Variants in DNAJC13 observed in about 807,000 individuals in gnomAD.
The protein encoded by DNAJC13 is DnaJ heat shock protein family (Hsp40) member C13.
In DNAJC13, 75 loss-of-function variants were observed where a neutral mutation model predicts 290.5. The observed-to-expected ratio is 0.26, with a 90% confidence interval of 0.21 to 0.31. The LOEUF (loss-of-function observed/expected upper bound fraction) is 0.31, where lower values mean the gene tolerates loss of function less well. DNAJC13 is among the 10% of genes least tolerant of loss of function. DNAJC13 has a pLI of 1.00. For missense variants in DNAJC13, 2,260 were observed against 2,674.5 expected, an observed-to-expected ratio of 0.85 and a Z score of 3.42; for synonymous variants, 862 against 892.0, an observed-to-expected ratio of 0.97 and a Z score of 0.60.
chr3:132,467,829 T>C (rs1402152209), intron 20 of DNAJC13, among the ~76,000 whole-genome samples: 3 of 152,170 alleles, frequency 2.0e-5, no homozygotes, highest in Non-Finnish European at 4.4e-5. Flanking sequence ...GTTTTATGAG[T>C]TGATGATTAG....
At position 132,538,447 on chromosome 3, in the gene DNAJC13, G is replaced by C; in HGVS notation, c.*165G>C. On this transcript the variant is annotated 3_prime_UTR_variant, in exon 56 of 56. Coordinates refer to ENST00000260818, the MANE Select transcript of DNAJC13 (RefSeq NM_015268.4). ...GGAAAAAAAGTCAGTGATCCTAATT[G>C]TATCACATTATAAGAAAGCACTCTG... The C allele has an allele frequency of 1.8e-6, 1 of 562,152 alleles. No individual in the cohort carries two copies. The highest frequency in any genetic ancestry group is 3.0e-6 in the Non-Finnish European group (1 of 328,372). The allele number at this position is 562,152 out of a possible 1,614,324, so 34.8% of individuals were successfully genotyped here.
chr3:132,495,228 G>A lies in DNAJC13; in HGVS notation c.4020+62G>A, dbSNP rs913270913. Reference sequence around the variant, plus strand: ...CTCTTGCTCTATTATTATGTAGTTGGAGAAAAGTATATTACCTTCTGTGCC... The same window carrying A: ...CTCTTGCTCTATTATTATGTAGTTGAAGAAAAGTATATTACCTTCTGTGCC... On this transcript the variant is annotated intron_variant, in intron 35 of 55. Transcript: ENST00000260818. The A allele has an allele frequency of 3.8e-6, 5 of 1,328,878 alleles. No individual in the cohort carries two copies. In the African/African-American group the frequency reaches 5.8e-5, roughly 15 times the overall value. 82.3% of individuals were successfully genotyped at this position (1,328,878 alleles called of 1,614,324 possible).
chr3:132,447,883 T>C lies in DNAJC13; in HGVS notation c.295-15T>C. 6.2e-7 allele frequency: 1 copy of C among 1,600,386 alleles called. No individual in the cohort carries two copies. The highest frequency in any genetic ancestry group is 8.5e-7 in the Non-Finnish European group (1 of 1,170,182). ...AGTCTGTTGTCATAAACTGTGGTTATGTTTTCTCTTTCAGAGATTTAGAAC... is the reference window on the plus strand; with the variant it reads ...AGTCTGTTGTCATAAACTGTGGTTACGTTTTCTCTTTCAGAGATTTAGAAC... On this transcript the variant is annotated splice_polypyrimidine_tract_variant and intron_variant, in intron 4 of 55. Transcript: ENST00000260818.
intron 26 of DNAJC13, 55 bp downstream of exon 26, chr3:132,480,525 G>A: frequency 7.8e-7 from 1 of 1,289,592 alleles, no homozygotes; most frequent in Non-Finnish European, 1.1e-6. Flanking sequence ...TATAATTTTA[G>A]AGGCAAAAGA....
At chr3:132,443,120 C>G in intron 2 of DNAJC13, among the ~76,000 whole-genome samples, 1 of 152,140 alleles carries the variant, frequency 6.6e-6, no homozygotes, top group East Asian at 1.9e-4. Context: ...TTTGTCTCTT[C>G]TTTGACTTGG....
At chr3:132,505,494 A>G in intron 42 of DNAJC13, 79 bp downstream of exon 42, 4 of 911,002 alleles carry the variant, frequency 4.4e-6, no homozygotes, top group Non-Finnish European at 6.8e-6. Context: ...TGATTAGAAC[A>G]GAAATCCACT....
At chr3:132,473,929 C>G (rs1934373447) in intron 21 of DNAJC13, among the ~76,000 whole-genome samples, 1 of 152,152 alleles carries the variant, frequency 6.6e-6, no homozygotes, top group Non-Finnish European at 1.5e-5. Context: ...CATAGAACTT[C>G]CTTGGAACTC....
At chr3:132,495,555 C>G (rs1935210440) in intron 35 of DNAJC13, among the ~76,000 whole-genome samples, 1 of 152,104 alleles carries the variant, frequency 6.6e-6, no homozygotes, top group African/African-American at 2.4e-5. Context: ...CAATGACATC[C>G]AATTTCATAT....
intron 48 of DNAJC13, among the ~76,000 whole-genome samples, chr3:132,521,797 G>A (rs1936097763): frequency 6.6e-6 from 1 of 152,184 alleles, no homozygotes. Context: ...AAATAAGCCT[G>A]TGAAACCTCT....
chr3:132,472,654 A>C, intron 20 of DNAJC13: 6 of 928,546 alleles, frequency 6.5e-6, no homozygotes, highest in Non-Finnish European at 7.7e-6. Context: ...TCTGTTTAAT[A>C]AATTCAAGTC....
chr3:132,466,075 G>A lies in DNAJC13; in HGVS notation c.1968+5G>A. 6.2e-7 allele frequency: 1 copy of A among 1,612,262 alleles called. No homozygotes were observed. The highest frequency in any genetic ancestry group is 8.5e-7 in the Non-Finnish European group (1 of 1,178,414). ...AACTTGTTGAAACGCATTTTGGTAAGTCAGTTGAGAAATTAGGTTATATAC... is the reference window on the plus strand; with the variant it reads ...AACTTGTTGAAACGCATTTTGGTAAATCAGTTGAGAAATTAGGTTATATAC... On this transcript the variant is annotated splice_donor_5th_base_variant and intron_variant, in intron 18 of 55. Transcript: ENST00000260818.
At chr3:132,473,453 T>C (rs1282202483) in intron 21 of DNAJC13, among the ~76,000 whole-genome samples, 1 of 152,220 alleles carries the variant, frequency 6.6e-6, no homozygotes, top group Non-Finnish European at 1.5e-5. Context: ...TTAAAGACTT[T>C]ATTAAGGCTT....
At chr3:132,496,486 G>T in intron 35 of DNAJC13, 42 bp from the exon 36 acceptor site, 1 of 1,500,256 alleles carries the variant, frequency 6.7e-7, no homozygotes, top group South Asian at 1.4e-5. Context: ...TGAATTTTGC[G>T]ACATTCCAAA....
intron 27 of DNAJC13, 92 bp downstream of exon 27, chr3:132,482,422 T>C: frequency 1.0e-6 from 1 of 974,004 alleles, no homozygotes; most frequent in Non-Finnish European, 1.5e-6. Context: ...GTTTTAAAGC[T>C]GTCATTTAAA....
At chr3:132,421,375 A>G (rs56338763) in intron 1 of DNAJC13, among the ~76,000 whole-genome samples, 8,289 of 152,318 alleles carry the variant, frequency 0.054, 386 homozygotes, top group African/African-American at 0.12. Flanking sequence ...ATGCATTTCA[A>G]TATGTAAATA....
rs370214295 is a variant in DNAJC13, at chr3:132,460,233, T to C, written c.1450-17T>C. 1.9e-6 allele frequency: 3 copies of C among 1,544,238 alleles called. No homozygotes were observed. The African/African-American group carries it at 4.2e-5, about 21-fold the overall frequency. ...ACTGCTTATGAATTATCACTGTTTT[T>C]TTTTTTTCATCAATAGCCCATGCAT... On this transcript the variant is annotated splice_polypyrimidine_tract_variant and intron_variant, in intron 13 of 55. Coordinates refer to ENST00000260818, the MANE Select transcript of DNAJC13 (RefSeq NM_015268.4).
At chr3:132,516,000 C>A (rs1935908692) in intron 46 of DNAJC13, among the ~76,000 whole-genome samples, 1 of 152,150 alleles carries the variant, frequency 6.6e-6, no homozygotes, top group Non-Finnish European at 1.5e-5. Flanking sequence ...TAGAATGGAA[C>A]CCGGTCTTAC....
In DNAJC13 at chr3:132,511,311, A is replaced by C. The variant is rs1576511470; in HGVS notation, c.5293+67A>C. 9 of 1,546,786 alleles carry C rather than the reference A, an allele frequency of 5.8e-6. No individual in the cohort carries two copies. In the East Asian group the frequency reaches 2.0e-4, roughly 35 times the overall value. ...AGGAGCCCTAAAAATTCCAATAATC[A>C]ATTTTATCAGGGAAACTCAGGGAAA... On this transcript the variant is annotated intron_variant, in intron 44 of 55. Coordinates refer to ENST00000260818, the MANE Select transcript of DNAJC13 (RefSeq NM_015268.4).
At chr3:132,467,367 C>CTTTA in intron 20 of DNAJC13, 54 bp downstream of exon 20, 2 of 1,579,196 alleles carry the variant, frequency 1.3e-6, no homozygotes, top group African/African-American at 2.7e-5. Flanking sequence ...TCCTAGTCTA[C>CTTTA]TTTAGTTCCT....
Sources: gnomAD v4.1 joint callset for allele counts (sites outside exome capture counted in the v4.1 genomes callset) on GRCh38, gnomAD v4.1.1 for gene constraint, MANE v1.5 for transcripts, NCBI Gene and HGNC (gene_info 2026-07-23, HGNC 2026-07-21) for gene names.